RPH3A: variants seen among roughly 807,000 people sequenced by gnomAD.
The protein encoded by RPH3A is rabphilin 3A, also known as rabphilin-3A.
RPH3A carries 48 observed loss-of-function variants against 102.2 expected under a neutral mutation model. That is an observed-to-expected ratio of 0.47 (90% CI 0.37 to 0.60). RPH3A has a LOEUF of 0.60. Ranked by LOEUF, RPH3A falls within the 20% of genes least tolerant of loss-of-function variation. The pLI is 0.00. For synonymous variants in RPH3A, 310 were observed against 324.3 expected, an observed-to-expected ratio of 0.96 and a Z score of 0.47; for missense variants, 781 against 910.1, an observed-to-expected ratio of 0.86 and a Z score of 1.83.
chr12:112,871,154 T>C (rs542538329), intron 10 of RPH3A, among the ~76,000 whole-genome samples: 1 of 152,384 alleles, frequency 6.6e-6, no homozygotes, highest in South Asian at 2.1e-4. Flanking sequence ...AAGTTTCTTT[T>C]GACAATGCCT....
chr12:112,596,403 G>T (rs945715432), intron 1 of RPH3A, among the ~76,000 whole-genome samples: 1 of 152,206 alleles, frequency 6.6e-6, no homozygotes, highest in Non-Finnish European at 1.5e-5. Flanking sequence ...AAGGTAGGGA[G>T]TCAAAGTTTT....
chr12:112,791,867 G>GGGGAGA lies in RPH3A; in HGVS notation c.-284_-283insGGAGAG, dbSNP rs1555209147. 4.1e-5 allele frequency: 2 copies of GGGGAGA among 48,484 alleles called. No homozygotes were observed. Among genetic ancestry groups the GGGGAGA allele is most frequent in the African/African-American group, 9.6e-5 (1 of 10,408 alleles). The allele number at this position is 48,484 out of a possible 1,614,324, so 3.0% of individuals were successfully genotyped here. On this transcript the variant is annotated 5_prime_UTR_variant, in exon 1 of 22. Coordinates refer to ENST00000389385, the MANE Select transcript of RPH3A (RefSeq NM_001143854.2). Reference sequence around the variant, plus strand: ...CGCGGACTGGAAAGGAAGGGAGAAGGGAGAGAGAGAGAGAGAGAGAGAGAG... The same window carrying GGGGAGA: ...CGCGGACTGGAAAGGAAGGGAGAAGGGGGAGAGAGAGAGAGAGAGAGAGAGAGAGAG...
intron 1 of RPH3A, among the ~76,000 whole-genome samples, chr12:112,586,204 CTATT>C (rs2039438126): frequency 6.6e-6 from 1 of 152,180 alleles, no homozygotes; most frequent in Non-Finnish European, 1.5e-5. Flanking sequence ...AATAAAGCCA[CTATT>C]TATTTATTAG....
intron 1 of RPH3A, among the ~76,000 whole-genome samples, chr12:112,593,261 C>T (rs1356678818): frequency 6.6e-6 from 1 of 152,202 alleles, no homozygotes; most frequent in Non-Finnish European, 1.5e-5. Flanking sequence ...GTGAACTTCT[C>T]AGCCTCCAGA....
In RPH3A at chr12:112,727,239, C is replaced by T. The variant is rs918246212; in HGVS notation, c.-139-64904C>T. ...GAGGTGTTGTGTTTTATCAATCCCA[C>T]GTGCTGGGATTACAGGTGGCACATG... On this transcript the variant is annotated intron_variant, in intron 1 of 21. Coordinates refer to the RPH3A transcript ENST00000543106. Among the ~76,000 whole-genome samples the T allele has an allele frequency of 4.7e-5, 7 of 150,174 alleles. No individual in the cohort carries two copies. The East Asian group carries it at 9.9e-4, about 21-fold the overall frequency.
chr12:112,678,393 A>T (rs2040203071), intron 1 of RPH3A, among the ~76,000 whole-genome samples: 1 of 151,794 alleles, frequency 6.6e-6, no homozygotes, highest in Admixed American at 6.6e-5. Context: ...GAAGAAACAA[A>T]CAAACACAAG....
chr12:112,865,631 TG>T (rs1565928892), intron 6 of RPH3A, 88 bp downstream of exon 6: 4 of 1,429,824 alleles, frequency 2.8e-6, no homozygotes, highest in Non-Finnish European at 3.8e-6. Flanking sequence ...CACTGGGTCT[TG>T]GGGGTGGAGC....
chr12:112,644,210 G>T (rs2039910906), intron 1 of RPH3A, among the ~76,000 whole-genome samples: 1 of 152,174 alleles, frequency 6.6e-6, no homozygotes, highest in African/African-American at 2.4e-5. Flanking sequence ...ACACTATTTG[G>T]ATGATGGTTA....
intron 1 of RPH3A, among the ~76,000 whole-genome samples, chr12:112,714,693 G>T (rs951410619): frequency 6.6e-6 from 1 of 152,158 alleles, no homozygotes; most frequent in African/African-American, 2.4e-5. Context: ...AGACTCATAG[G>T]TTTTGTCTCA....
chr12:112,640,808 T>C (rs2039884090), intron 1 of RPH3A, among the ~76,000 whole-genome samples: 1 of 152,224 alleles, frequency 6.6e-6, no homozygotes, highest in Admixed American at 6.5e-5. Context: ...TCCTTTAGTC[T>C]CTGACGTCTC....
chr12:112,830,409 A>G (rs1309386898), intron 3 of RPH3A, among the ~76,000 whole-genome samples: 1 of 152,180 alleles, frequency 6.6e-6, no homozygotes, highest in African/African-American at 2.4e-5. Context: ...CCTATATGAT[A>G]CTTAGTCTTT....
At chr12:112,632,085 T>A (rs1434758191) in intron 1 of RPH3A, among the ~76,000 whole-genome samples, 3 of 152,102 alleles carry the variant, frequency 2.0e-5, no homozygotes, top group Non-Finnish European at 2.9e-5. Flanking sequence ...AGTGAATAAG[T>A]CTCATGAGAT....
At chr12:112,799,379 C>G (rs150841132) in intron 2 of RPH3A, among the ~76,000 whole-genome samples, 9 of 152,186 alleles carry the variant, frequency 5.9e-5, no homozygotes, top group African/African-American at 1.9e-4. Context: ...CAGGGTGAGA[C>G]CCTGTGTCTA....
chr12:112,796,173 G>C (rs958715243), intron 2 of RPH3A, among the ~76,000 whole-genome samples: 1 of 152,188 alleles, frequency 6.6e-6, no homozygotes, highest in Admixed American at 6.5e-5. Context: ...ATGAGCCTGG[G>C]GGGTAGGCCC....
intron 1 of RPH3A, among the ~76,000 whole-genome samples, chr12:112,676,269 C>T (rs2040173631): frequency 6.6e-6 from 1 of 151,994 alleles, no homozygotes; most frequent in Non-Finnish European, 1.5e-5. Context: ...CAGATGTTAA[C>T]AGGATGCATA....
At chr12:112,790,156 A>T (rs1398717777), upstream of RPH3A, among the ~76,000 whole-genome samples, 1 of 151,780 alleles carries the variant, frequency 6.6e-6, no homozygotes, top group Non-Finnish European at 1.5e-5. Flanking sequence ...TTCCAGGTTC[A>T]TGTGATTCTC....
At chr12:112,798,324 GA>G (rs777037893) in intron 2 of RPH3A, among the ~76,000 whole-genome samples, 3 of 152,094 alleles carry the variant, frequency 2.0e-5, no homozygotes, top group Non-Finnish European at 4.4e-5. Context: ...TTTAGAGAGC[GA>G]GGGGGGGAAA....
At chr12:112,612,625 C>T (rs1044020294) in intron 1 of RPH3A, among the ~76,000 whole-genome samples, 1 of 143,136 alleles carries the variant, frequency 7.0e-6, no homozygotes, top group African/African-American at 2.6e-5. Flanking sequence ...AGTGCAATGA[C>T]GTGATCTCGG....
chr12:112,835,537 T>A (rs1312031268), intron 3 of RPH3A, among the ~76,000 whole-genome samples: 1 of 152,344 alleles, frequency 6.6e-6, no homozygotes, highest in Non-Finnish European at 1.5e-5. Context: ...TCTGAATGCA[T>A]CTGGCTGCTT....
Sources: gnomAD v4.1 joint callset for allele counts (sites outside exome capture counted in the v4.1 genomes callset) on GRCh38, gnomAD v4.1.1 for gene constraint, MANE v1.5 for transcripts, NCBI Gene and HGNC (gene_info 2026-07-23, HGNC 2026-07-21) for gene names.